FAT3: variants seen among roughly 807,000 people sequenced by gnomAD.
The protein encoded by FAT3 is FAT atypical cadherin 3.
A neutral mutation model predicts 310.2 loss-of-function variants in FAT3; 95 were observed. That is an observed-to-expected ratio of 0.31 (90% confidence interval 0.26 to 0.36). FAT3 has a LOEUF of 0.36. Ranked by LOEUF, FAT3 falls within the 10% of genes least tolerant of loss-of-function variation. FAT3 has a pLI of 1.00. For missense variants in FAT3, 5,408 were observed against 5,715.6 expected (o/e 0.95, Z 1.74); for synonymous variants, 2,314 against 2,192.9 (o/e 1.06, Z -1.54).
At chr11:92,653,043 C>T (rs960058503) in intron 3 of FAT3, among the ~76,000 whole-genome samples, 3 of 152,206 alleles carry the variant, frequency 2.0e-5, no homozygotes, top group African/African-American at 7.2e-5. Flanking sequence ...CCTGTAACCT[C>T]AGCTACTTGA....
chr11:92,758,261 C>G (rs760388941), intron 4 of FAT3, among the ~76,000 whole-genome samples: 23 of 152,124 alleles, frequency 1.5e-4, no homozygotes, highest in Admixed American at 4.6e-4. Flanking sequence ...GATCAACAAG[C>G]AAATAGACAC....
chr11:92,532,641 G>A (rs1470988259), intron 3 of FAT3, among the ~76,000 whole-genome samples: 1 of 152,092 alleles, frequency 6.6e-6, no homozygotes, highest in African/African-American at 2.4e-5. Flanking sequence ...CTTAATATTT[G>A]GAGAGGATTT....
chr11:92,747,541 G>A (rs1200813252), intron 4 of FAT3, among the ~76,000 whole-genome samples: 3 of 152,226 alleles, frequency 2.0e-5, no homozygotes, highest in Non-Finnish European at 4.4e-5. Context: ...TTGTCTTGGT[G>A]ATTAACATTT....
chr11:92,889,993 G>T, intron 27 of FAT3, 102 bp downstream of exon 27: 1 of 716,986 alleles, frequency 1.4e-6, no homozygotes, highest in South Asian at 1.5e-5. Context: ...TCTGAATTTT[G>T]CATGTCTCAG....
chr11:92,742,119 G>C (rs1256478822), intron 4 of FAT3, among the ~76,000 whole-genome samples: 1 of 152,178 alleles, frequency 6.6e-6, no homozygotes, highest in Non-Finnish European at 1.5e-5. Context: ...ATCCCTCAGA[G>C]AGCTTACAAG....
At chr11:92,305,492 T>A (rs1481584331) in intron 1 of FAT3, among the ~76,000 whole-genome samples, 1 of 152,016 alleles carries the variant, frequency 6.6e-6, no homozygotes. Context: ...TCCCAAAGTA[T>A]CTCCCCACAA....
chr11:92,765,898 A>G (rs75990603), intron 6 of FAT3, among the ~76,000 whole-genome samples: 5,593 of 151,990 alleles, frequency 0.037, 238 homozygotes, highest in East Asian at 0.21. Flanking sequence ...GCCTTTTCCA[A>G]TGGAAAAAGA....
Position 92,798,344 on chromosome 11 carries a change from C to T in FAT3, c.5331C>T (p.Ser1777=). ...PVFLFSQYSG[S]LSEAAPINSI... ...TTCTCTTTTCTCAATACTCAGGCAG[C>T]CTAAGTGAGGCTGCCCCAATTAATA... The change falls in exon 10 of 28, where the codon AGC becomes AGT. Residue 1777 remains serine (S), a synonymous_variant. Transcript: ENST00000525166. The T allele has an allele frequency of 2.5e-6, 4 of 1,613,594 alleles. No homozygotes were observed. Among genetic ancestry groups the T allele is most frequent in the Non-Finnish European group, 3.4e-6 (4 of 1,179,762 alleles).
intron 2 of FAT3, among the ~76,000 whole-genome samples, chr11:92,515,594 T>C (rs1253170421): frequency 6.6e-6 from 1 of 152,012 alleles, no homozygotes; most frequent in African/African-American, 2.4e-5. Context: ...CAAACTAAAG[T>C]TTGAGAAGAG....
intron 2 of FAT3, among the ~76,000 whole-genome samples, chr11:92,481,277 A>C (rs1198585067): frequency 6.6e-6 from 1 of 151,602 alleles, no homozygotes; most frequent in African/African-American, 2.4e-5. Flanking sequence ...AATTTGAAAA[A>C]TATGTTTCTA....
intron 18 of FAT3, 35 bp downstream of exon 18, chr11:92,840,794 T>C: frequency 6.7e-7 from 1 of 1,484,390 alleles, no homozygotes; most frequent in East Asian, 2.3e-5. Context: ...TCGTGCTGTC[T>C]TTCTTTCTCA....
intron 15 of FAT3, among the ~76,000 whole-genome samples, chr11:92,836,178 G>A (rs1948402276): frequency 6.6e-6 from 1 of 152,164 alleles, no homozygotes; most frequent in Admixed American, 6.5e-5. Flanking sequence ...TCCTTAACAT[G>A]GAAATGCATA....
intron 1 of FAT3, among the ~76,000 whole-genome samples, chr11:92,230,662 T>C (rs908899416): frequency 6.6e-6 from 1 of 152,206 alleles, no homozygotes; most frequent in Non-Finnish European, 1.5e-5. Flanking sequence ...TCTACCTCTT[T>C]CACAAGACAG....
chr11:92,607,654 A>G (rs1390990479), intron 3 of FAT3, among the ~76,000 whole-genome samples: 5 of 152,178 alleles, frequency 3.3e-5, no homozygotes, highest in Non-Finnish European at 2.9e-5. Context: ...AAACAATTCA[A>G]ATGCTGAGCA....
chr11:92,705,555 GTGTGATGGTGGTGGTGGT>G, intron 4 of FAT3, among the ~76,000 whole-genome samples: 3 of 138,798 alleles, frequency 2.2e-5, no homozygotes, highest in African/African-American at 2.7e-5. Context: ...GATGGTGGTG[GTGTGATGGTGGTGGTGGT>G]GGTGATGGTG....
At chr11:92,726,052 C>T (rs1245390345) in intron 4 of FAT3, among the ~76,000 whole-genome samples, 2 of 152,040 alleles carry the variant, frequency 1.3e-5, no homozygotes, top group Non-Finnish European at 1.5e-5. Context: ...CTCAATGACA[C>T]TGATTTGGTC....
chr11:92,529,351 T>C (rs1156911049), intron 3 of FAT3, among the ~76,000 whole-genome samples: 1 of 152,080 alleles, frequency 6.6e-6, no homozygotes, highest in Admixed American at 6.5e-5. Flanking sequence ...CAGATAACTA[T>C]ACAGGGAATA....
At position 92,230,324 on chromosome 11, in the gene FAT3, C is replaced by G. The variant is rs1864113851; in HGVS notation, c.-18+5150C>G. Among the ~76,000 whole-genome samples the G allele has an allele frequency of 2.6e-5, 4 of 152,100 alleles. No individual in the cohort carries two copies. The South Asian group carries it at 6.2e-4, about 24-fold the overall frequency. On this transcript the variant is annotated intron_variant, in intron 1 of 27. Transcript: ENST00000525166. ...ATTTATTTATTTAGAAACAGAGTCT[C>G]GCTCCATTGCCCAGGCTGGAGTGCA... is the stretch of plus-strand genomic sequence containing the variant.
intron 4 of FAT3, among the ~76,000 whole-genome samples, chr11:92,742,520 C>G (rs970929168): frequency 6.6e-6 from 1 of 152,182 alleles, no homozygotes; most frequent in Non-Finnish European, 1.5e-5. Context: ...GAAACAATCC[C>G]CAATGCAACC....
Sources: allele counts gnomAD v4.1 joint callset (sites outside exome capture counted in the v4.1 genomes callset), GRCh38; gene constraint gnomAD v4.1.1; transcripts MANE v1.5; gene names NCBI Gene and HGNC (gene_info 2026-07-23, HGNC 2026-07-21).